Variants in JHY observed in about 807,000 individuals in gnomAD.
The protein encoded by JHY is jhy protein homolog.
In JHY, 69 loss-of-function variants were observed where a neutral mutation model predicts 78.0. The ratio of observed to expected loss-of-function variants is 0.88; its 90% CI spans 0.73 to 1.08. The LOEUF (loss-of-function observed/expected upper bound fraction) is 1.08. JHY is among the 50% of genes least tolerant of loss of function. The pLI, the probability that JHY is intolerant of heterozygous loss-of-function variation, is 0.00. For synonymous variants in JHY, 368 were observed against 342.6 expected (o/e 1.07, Z -0.82); for missense variants, 944 against 927.8 (o/e 1.02, Z -0.23).
At position 122,935,758 on chromosome 11, in the gene JHY, C is replaced by CA. The variant is rs1171990700; in HGVS notation, c.1634+690dup. On this transcript the variant is annotated intron_variant, in intron 5 of 8. Coordinates refer to ENST00000227349, the MANE Select transcript of JHY (RefSeq NM_024806.4). This position sits in a 1 kb window ranked among gnomAD's most constrained non-coding sequence, Gnocchi z 4.5. ...TAAAATACAGAAAAATATGCACATACAAAAAAATCATCATTTATAGAGGTG... is the reference window on the plus strand; with the variant it reads ...TAAAATACAGAAAAATATGCACATACAAAAAAAATCATCATTTATAGAGGTG... 1.3e-5 allele frequency among the ~76,000 whole-genome samples: 2 copies of CA among 151,696 alleles called. No homozygotes were observed. The highest frequency in any genetic ancestry group is 2.9e-5 in the Non-Finnish European group (2 of 67,942).
chr11:122,889,920 T>C (rs1862573861), intron 2 of JHY, among the ~76,000 whole-genome samples: 1 of 152,100 alleles, frequency 6.6e-6, no homozygotes, highest in South Asian at 2.1e-4. Context: ...TAACTTTTTC[T>C]ACTTTTAGTA....
chr11:122,897,790 T>G lies in JHY; in HGVS notation c.345-6135T>G, dbSNP rs190538056. 4.6e-5 allele frequency among the ~76,000 whole-genome samples: 7 copies of G among 152,340 alleles called. No individual in the cohort carries two copies. The East Asian group carries it at 1.3e-3, about 29-fold the overall frequency. On this transcript the variant is annotated intron_variant, in intron 2 of 8. Coordinates refer to ENST00000227349, the MANE Select transcript of JHY (RefSeq NM_024806.4). ...CTGTAGAAACTATGCCCTTATCAGCTGATGCTGGTTAAATACCACGACCAG... is the reference window on the plus strand; with the variant it reads ...CTGTAGAAACTATGCCCTTATCAGCGGATGCTGGTTAAATACCACGACCAG...
chr11:122,903,643 A>T (rs1213870810), intron 2 of JHY, among the ~76,000 whole-genome samples: 1 of 151,846 alleles, frequency 6.6e-6, no homozygotes, highest in Non-Finnish European at 1.5e-5. Context: ...TACCCAGCTA[A>T]TTTTTTAAAA....
intron 4 of JHY, among the ~76,000 whole-genome samples, chr11:122,928,839 G>A (rs1470768133): frequency 5.3e-5 from 8 of 151,934 alleles, no homozygotes; most frequent in South Asian, 2.1e-4. Flanking sequence ...TAGTAGAGAC[G>A]GGGTTTCACC....
At chr11:122,889,909 C>T (rs1331863209) in intron 2 of JHY, among the ~76,000 whole-genome samples, 3 of 152,044 alleles carry the variant, frequency 2.0e-5, no homozygotes, top group African/African-American at 7.2e-5. Context: ...CAATGCTCGG[C>T]TAACTTTTTC....
At chr11:122,938,180 TTTC>T (rs1172759803) in intron 5 of JHY, among the ~76,000 whole-genome samples, 7 of 152,054 alleles carry the variant, frequency 4.6e-5, no homozygotes, top group Non-Finnish European at 1.0e-4. Flanking sequence ...TCTGGGAAAA[TTTC>T]TTGAGTCATC....
chr11:122,922,296 G>A (rs1565321755), intron 3 of JHY, among the ~76,000 whole-genome samples: 1 of 152,112 alleles, frequency 6.6e-6, no homozygotes, highest in Non-Finnish European at 1.5e-5. Context: ...TATAAGTACA[G>A]TAATTGTGAT....
chr11:122,958,074 C>G (rs1461104068), intron 8 of JHY, among the ~76,000 whole-genome samples: 2 of 152,154 alleles, frequency 1.3e-5, no homozygotes, highest in African/African-American at 4.8e-5. Flanking sequence ...CTTCATTCCC[C>G]TACACTCTCC....
chr11:122,954,541 C>T (rs529896789), intron 6 of JHY, among the ~76,000 whole-genome samples: 3 of 152,284 alleles, frequency 2.0e-5, no homozygotes, highest in Non-Finnish European at 4.4e-5. Flanking sequence ...GAGAAAATGT[C>T]CTATTTTAAG....
At chr11:122,926,563 C>T (rs1022887278) in intron 4 of JHY, among the ~76,000 whole-genome samples, 3 of 152,132 alleles carry the variant, frequency 2.0e-5, no homozygotes, top group African/African-American at 7.2e-5. Flanking sequence ...CCAGTGAGGC[C>T]ATACCTAGAA....
chr11:122,915,909 G>A (rs912132557), intron 3 of JHY, among the ~76,000 whole-genome samples: 3 of 152,162 alleles, frequency 2.0e-5, no homozygotes, highest in South Asian at 2.1e-4. Context: ...AGAACACTAA[G>A]TAGAAAGCTG....
intron 6 of JHY, 118 bp downstream of exon 6, chr11:122,946,910 T>TCCTAAGTCCTAAGGA: frequency 8.1e-7 from 1 of 1,238,034 alleles, no homozygotes; most frequent in Non-Finnish European, 1.1e-6. Flanking sequence ...CCACACTGGG[T>TCCTAAGTCCTAAGGA]CGCCCAGAGT....
At chr11:122,913,506 A>G (rs957586041) in intron 3 of JHY, among the ~76,000 whole-genome samples, 24 of 152,120 alleles carry the variant, frequency 1.6e-4, no homozygotes, top group African/African-American at 5.3e-4. Context: ...CTCATCCTTC[A>G]TCAATCCCTA....
At chr11:122,941,227 T>G (rs927421110) in intron 5 of JHY, among the ~76,000 whole-genome samples, 38 of 152,336 alleles carry the variant, frequency 2.5e-4, no homozygotes, top group African/African-American at 8.9e-4. Flanking sequence ...AGACTCAAGA[T>G]CTCAGCAGTT....
chr11:122,922,626 C>T (rs773960008), intron 3 of JHY, among the ~76,000 whole-genome samples: 8 of 151,540 alleles, frequency 5.3e-5, no homozygotes, highest in East Asian at 2.0e-4. Flanking sequence ...CTGGCTAACA[C>T]GGTGAAACCC....
chr11:122,901,690 G>A (rs1281873276), intron 2 of JHY, among the ~76,000 whole-genome samples: 1 of 151,580 alleles, frequency 6.6e-6, no homozygotes, highest in African/African-American at 2.4e-5. Flanking sequence ...TGGCTAACAC[G>A]GTGAAACCCT....
intron 3 of JHY, chr11:122,905,531 T>C (rs899386100): frequency 1.8e-6 from 2 of 1,102,366 alleles, no homozygotes; most frequent in Non-Finnish European, 2.2e-6. Flanking sequence ...ATGAGGTGGA[T>C]GAACATTTGT....
At chr11:122,930,577 C>G (rs1863616859) in intron 4 of JHY, among the ~76,000 whole-genome samples, 13 of 152,198 alleles carry the variant, frequency 8.5e-5, no homozygotes, top group Admixed American at 7.9e-4. Context: ...TGATGGTCAT[C>G]ATCATATTCT....
At chr11:122,894,703 T>C (rs1179847908) in intron 2 of JHY, among the ~76,000 whole-genome samples, 1 of 152,198 alleles carries the variant, frequency 6.6e-6, no homozygotes, top group Non-Finnish European at 1.5e-5. Context: ...AGACTGGTAC[T>C]ATTAAGAACC....
Sources: allele counts gnomAD v4.1 joint callset (sites outside exome capture counted in the v4.1 genomes callset), GRCh38; gene constraint gnomAD v4.1.1; non-coding constraint Gnocchi (gnomAD v3.1); transcripts MANE v1.5; gene names NCBI Gene and HGNC (gene_info 2026-07-23, HGNC 2026-07-21).